The following SLC9D1 variants were observed in gnomAD, a reference collection of about 807,000 sequenced individuals.
SLC9D1 encodes the protein solute carrier family 9 member D1.
At chr13:113,518,724 C>G in the SLC9D1 span, among the ~76,000 whole-genome samples, 19 of 152,250 alleles carry the variant, frequency 1.2e-4, no homozygotes, top group African/African-American at 4.3e-4. Context: ...ATCTGTGAAG[C>G]CTCCGCATGG....
At chr13:113,500,041 G>C in the SLC9D1 span, 7 of 1,592,938 alleles carry the variant, frequency 4.4e-6, no homozygotes, top group Admixed American at 1.7e-5. Context: ...AACGAGAAGT[G>C]GAGGATGACT....
At chr13:113,526,423 A>G in the SLC9D1 span, among the ~76,000 whole-genome samples, 1 of 152,216 alleles carries the variant, frequency 6.6e-6, no homozygotes, top group Non-Finnish European at 1.5e-5. Flanking sequence ...TATTTTTAAT[A>G]AACTCAGCAC....
the SLC9D1 span, chr13:113,549,355 C>T: frequency 0.14 from 212,786 of 1,550,576 alleles, 17,150 homozygotes; most frequent in African/African-American, 0.36. Context: ...TGAGACCAGC[C>T]CTGTGCTTTC....
At chr13:113,504,843 A>G in the SLC9D1 span, 1 of 152,144 alleles carries the variant, frequency 6.6e-6, no homozygotes, top group Non-Finnish European at 1.5e-5. Flanking sequence ...GGGTTGCTGG[A>G]TCAAATGGTA....
the SLC9D1 span, among the ~76,000 whole-genome samples, chr13:113,531,277 G>A: frequency 1.3e-5 from 2 of 152,142 alleles, no homozygotes; most frequent in African/African-American, 2.4e-5. Flanking sequence ...TGGGAAGCTT[G>A]TCCACTCACC....
the SLC9D1 span, among the ~76,000 whole-genome samples, chr13:113,531,160 G>A: frequency 2.6e-5 from 4 of 152,266 alleles, no homozygotes; most frequent in African/African-American, 7.2e-5. Context: ...CAGGATGGCC[G>A]TGGAGTCAGT....
At chr13:113,492,820 C>T in the SLC9D1 span, among the ~76,000 whole-genome samples, 1 of 152,132 alleles carries the variant, frequency 6.6e-6, no homozygotes, top group African/African-American at 2.4e-5. Context: ...ATTGCTTGAA[C>T]CCGGGAGGCA....
chr13:113,499,996 G>A, the SLC9D1 span: 1 of 1,562,910 alleles, frequency 6.4e-7, no homozygotes, highest in Non-Finnish European at 8.7e-7. Flanking sequence ...TGAGGGTGGA[G>A]GAAGAAGAGG....
chr13:113,498,630 A>G, the SLC9D1 span: 61 of 854,566 alleles, frequency 7.1e-5, no homozygotes, highest in East Asian at 1.9e-3. Context: ...TTGAAAATGA[A>G]GACAAACTAA....
At chr13:113,498,290 T>A in the SLC9D1 span, 1 of 1,320,684 alleles carries the variant, frequency 7.6e-7, no homozygotes. Context: ...GAAAGTCATG[T>A]CCTAGCTTAT....
the SLC9D1 span, chr13:113,501,926 A>G: frequency 5.4e-6 from 8 of 1,475,774 alleles, no homozygotes; most frequent in Non-Finnish European, 6.6e-6. Flanking sequence ...AACAGAATAT[A>G]AAAAGAGAAT....
At chr13:113,548,462 T>A in the SLC9D1 span, 1 of 1,599,584 alleles carries the variant, frequency 6.3e-7, no homozygotes, top group Non-Finnish European at 8.5e-7. Context: ...GGTGAGTGGC[T>A]TCCCCCCGCG....
the SLC9D1 span, among the ~76,000 whole-genome samples, chr13:113,525,826 C>T: frequency 6.7e-6 from 1 of 148,818 alleles, no homozygotes; most frequent in Non-Finnish European, 1.5e-5. Context: ...TAGGAGACGA[C>T]AGCTCTGTGC....
chr13:113,519,068 A>T, the SLC9D1 span, among the ~76,000 whole-genome samples: 2 of 141,526 alleles, frequency 1.4e-5, no homozygotes, highest in African/African-American at 2.7e-5. Flanking sequence ...TTTGAGACGG[A>T]GTCTCGCTCT....
chr13:113,525,568 C>T, the SLC9D1 span, among the ~76,000 whole-genome samples: 15 of 129,982 alleles, frequency 1.2e-4, no homozygotes, highest in African/African-American at 3.0e-4. Flanking sequence ...TCATAGGAGA[C>T]GACAGCTCTG....
At chr13:113,536,176 G>A in the SLC9D1 span, among the ~76,000 whole-genome samples, 1 of 152,004 alleles carries the variant, frequency 6.6e-6, no homozygotes, top group African/African-American at 2.4e-5. Context: ...TCAGGAGTTC[G>A]AGACCAGCTT....
the SLC9D1 span, among the ~76,000 whole-genome samples, chr13:113,507,208 G>A: frequency 0.025 from 3,847 of 152,076 alleles, 99 homozygotes; most frequent in East Asian, 0.12. Context: ...GGGAGCCGTC[G>A]GAGTCTGGCC....
At chr13:113,502,971 G>T in the SLC9D1 span, among the ~76,000 whole-genome samples, 3,580 of 152,326 alleles carry the variant, frequency 0.024, 90 homozygotes, top group East Asian at 0.11. Context: ...CACGTGTGGG[G>T]GCTCCCAGGA....
the SLC9D1 span, among the ~76,000 whole-genome samples, chr13:113,501,043 CA>C: frequency 8.5e-5 from 13 of 152,276 alleles, no homozygotes; most frequent in East Asian, 1.9e-3. Context: ...GCAGGTGCAG[CA>C]GTGCCAGCGC....
Sources: gnomAD v4.1 joint callset for allele counts (sites outside exome capture counted in the v4.1 genomes callset) on GRCh38, gnomAD v4.1.1 for gene constraint, MANE v1.5 for transcripts, NCBI Gene and HGNC (gene_info 2026-07-23, HGNC 2026-07-21) for gene names.